Variants in UVRAG observed in about 807,000 individuals in gnomAD.
UVRAG encodes UV radiation resistance-associated gene protein.
Under a neutral mutation model 78.0 loss-of-function variants are expected in UVRAG, and 19 were observed. That is an observed-to-expected ratio of 0.24 (90% CI 0.17 to 0.36). The LOEUF is 0.36. Ranked by LOEUF, UVRAG falls within the 10% of genes least tolerant of loss-of-function variation. The pLI is 1.00. For synonymous variants in UVRAG, 323 were observed against 324.6 expected (o/e 1.00, Z 0.05); for missense variants, 740 against 853.8 (o/e 0.87, Z 1.66).
intron 8 of UVRAG, among the ~76,000 whole-genome samples, chr11:75,987,232 T>G (rs1565105880): frequency 6.6e-6 from 1 of 152,214 alleles, no homozygotes; most frequent in Non-Finnish European, 1.5e-5. Context: ...ATATGAGGGT[T>G]CCAATCTCCC....
intron 1 of UVRAG, among the ~76,000 whole-genome samples, chr11:75,820,774 A>G (rs1945369289): frequency 6.6e-6 from 1 of 152,198 alleles, no homozygotes; most frequent in Admixed American, 6.5e-5. Context: ...AGTTCTGAAC[A>G]ACTGTGGCCA....
chr11:75,815,466 C>T lies in UVRAG; in HGVS notation c.59C>T (p.Ala20Val). 2.4e-6 allele frequency: 3 copies of T among 1,247,508 alleles called. No individual in the cohort carries two copies. Among genetic ancestry groups the T allele is most frequent in the South Asian group, 6.5e-5 (2 of 30,756 alleles). The allele number at this position is 1,247,508 out of a possible 1,614,324, so 77.3% of individuals were successfully genotyped here. ...CCCCAGCCACCCCCGGGCCCGGCCG[C>T]TGCTCTGCCTCCCGGTTCTGCCGCG... ...PVPQPPPGPA[A>V]ALPPGSAARA... is the part of the protein sequence containing the mutation. Residue 20 changes from alanine to valine, a missense_variant, in exon 1 of 15, where the codon GCT becomes GTT. Coordinates refer to ENST00000356136, the MANE Select transcript of UVRAG (RefSeq NM_003369.4).
chr11:76,081,185 A>T (rs551068739), intron 13 of UVRAG, among the ~76,000 whole-genome samples: 2 of 150,292 alleles, frequency 1.3e-5, no homozygotes, highest in African/African-American at 4.9e-5. Context: ...TGTCCCTCTT[A>T]TTCACTGTAA....
At chr11:76,055,144 C>T (rs1201024609) in intron 12 of UVRAG, among the ~76,000 whole-genome samples, 3 of 152,136 alleles carry the variant, frequency 2.0e-5, no homozygotes, top group Non-Finnish European at 1.5e-5. Context: ...ATCTCCTGGG[C>T]TCAAGTGATC....
chr11:76,101,912 G>A (rs1951885913), intron 13 of UVRAG, among the ~76,000 whole-genome samples: 1 of 151,974 alleles, frequency 6.6e-6, no homozygotes, highest in Non-Finnish European at 1.5e-5. Flanking sequence ...CTTATTTGGG[G>A]GGTCTATTCT....
intron 13 of UVRAG, among the ~76,000 whole-genome samples, chr11:76,111,792 C>T (rs1952071537): frequency 1.3e-5 from 2 of 151,972 alleles, no homozygotes; most frequent in Non-Finnish European, 2.9e-5. Flanking sequence ...AGCCAGTCAT[C>T]AAGCACTGCC....
intron 4 of UVRAG, among the ~76,000 whole-genome samples, chr11:75,883,901 A>C (rs1395614748): frequency 3.3e-5 from 5 of 152,222 alleles, no homozygotes; most frequent in African/African-American, 1.2e-4. Context: ...ATAATAAATA[A>C]AGCTACTATG....
At chr11:75,832,479 A>G (rs947166699) in intron 1 of UVRAG, among the ~76,000 whole-genome samples, 1 of 152,244 alleles carries the variant, frequency 6.6e-6, no homozygotes, top group Non-Finnish European at 1.5e-5. Flanking sequence ...GGAACAGCCA[A>G]TGGAAGAGAT....
At chr11:75,834,569 C>G (rs1378418646) in intron 1 of UVRAG, among the ~76,000 whole-genome samples, 76 of 152,194 alleles carry the variant, frequency 5.0e-4, no homozygotes, top group Non-Finnish European at 5.9e-5. Context: ...AATCCCAGCA[C>G]TTTGGTAGGC....
intron 14 of UVRAG, among the ~76,000 whole-genome samples, chr11:76,127,826 G>A (rs894020512): frequency 2.0e-5 from 3 of 151,848 alleles, no homozygotes; most frequent in Non-Finnish European, 4.4e-5. Flanking sequence ...ACGTGGTAGT[G>A]TATGCCTGTA....
At chr11:76,137,638 C>T (rs1297106384) in intron 14 of UVRAG, 1 of 361,498 alleles carries the variant, frequency 2.8e-6, no homozygotes, top group East Asian at 7.3e-5. Context: ...GTGGCTCACA[C>T]CTGTAATCCC....
chr11:75,890,843 A>G (rs770225465), intron 5 of UVRAG, among the ~76,000 whole-genome samples: 3 of 152,236 alleles, frequency 2.0e-5, no homozygotes, highest in Non-Finnish European at 2.9e-5. Flanking sequence ...ACCAGAAAAG[A>G]TGACTGAAAA....
At chr11:76,024,177 C>T (rs1264141261) in intron 12 of UVRAG, among the ~76,000 whole-genome samples, 3 of 152,190 alleles carry the variant, frequency 2.0e-5, no homozygotes, top group Non-Finnish European at 2.9e-5. Context: ...ACTTTGCGAG[C>T]TTGCAGGAAG....
chr11:75,926,268 A>G (rs561910951), intron 6 of UVRAG, among the ~76,000 whole-genome samples: 38 of 152,184 alleles, frequency 2.5e-4, no homozygotes, highest in African/African-American at 6.0e-4. Flanking sequence ...TTTTCTCCCA[A>G]TATGTCAAGT....
intron 1 of UVRAG, among the ~76,000 whole-genome samples, chr11:75,842,649 C>T (rs938750120): frequency 2.0e-5 from 3 of 152,032 alleles, no homozygotes; most frequent in African/African-American, 4.8e-5. Context: ...ACCATGTTGC[C>T]CAGGCTGGTC....
At chr11:76,011,070 G>A (rs1482632836) in intron 11 of UVRAG, among the ~76,000 whole-genome samples, 1 of 152,050 alleles carries the variant, frequency 6.6e-6, no homozygotes, top group African/African-American at 2.4e-5. Flanking sequence ...ATTCTATTTT[G>A]TTTTCTTTGA....
chr11:75,815,273 ACTGT>A lies in UVRAG; in HGVS notation c.-131_-128del. The A allele has an allele frequency of 2.0e-6, 1 of 488,868 alleles. No homozygotes were observed. The highest frequency in any genetic ancestry group is 3.5e-5 in the East Asian group (1 of 28,594). 30.3% of individuals were successfully genotyped at this position (488,868 alleles called of 1,614,324 possible). A position where few individuals can be genotyped will look rare whatever the true frequency, so the allele number is the denominator to read the frequency against. On this transcript the variant is annotated 5_prime_UTR_variant, in exon 1 of 15. Coordinates refer to ENST00000356136, the MANE Select transcript of UVRAG (RefSeq NM_003369.4). Reference sequence around the variant, plus strand: ...GGCAGCGGCGGCAGCGGCGGCGGCTACTGTCTGGGCTGAGCAGTAGTGCCTCTCG... The same window carrying A: ...GGCAGCGGCGGCAGCGGCGGCGGCTACTGGGCTGAGCAGTAGTGCCTCTCG...
intron 14 of UVRAG, among the ~76,000 whole-genome samples, chr11:76,129,635 C>T (rs1176680126): frequency 2.6e-5 from 4 of 152,206 alleles, no homozygotes; most frequent in Non-Finnish European, 5.9e-5. Flanking sequence ...GGAAGCCAGG[C>T]AAAAACCTTT....
intron 11 of UVRAG, among the ~76,000 whole-genome samples, chr11:76,010,789 C>T (rs904872392): frequency 6.6e-6 from 1 of 152,024 alleles, no homozygotes; most frequent in Non-Finnish European, 1.5e-5. Flanking sequence ...AAAGACCAGA[C>T]GTGTGCAGCT....
Sources: gnomAD v4.1 joint callset for allele counts (sites outside exome capture counted in the v4.1 genomes callset) on GRCh38, gnomAD v4.1.1 for gene constraint, MANE v1.5 for transcripts, NCBI Gene and HGNC (gene_info 2026-07-23, HGNC 2026-07-21) for gene names.